The following ADGRL2 variants were observed in gnomAD, a reference collection of about 807,000 sequenced individuals.
ADGRL2 encodes the protein calcium-independent alpha-latrotoxin receptor 2.
Under a neutral mutation model 157.4 loss-of-function variants are expected in ADGRL2, and 44 were observed. The ratio of observed to expected loss-of-function variants is 0.28; its 90% CI spans 0.22 to 0.36. ADGRL2 has a LOEUF of 0.36. ADGRL2 is among the 10% of genes least tolerant of loss of function. The pLI is 1.00. For synonymous variants in ADGRL2, 585 were observed against 624.7 expected (o/e 0.94, Z 0.95); for missense variants, 1,510 against 1,768.9 (o/e 0.85, Z 2.63).
chr1:81,397,102 T>C (rs2076668548), intron 1 of ADGRL2, among the ~76,000 whole-genome samples: 1 of 152,158 alleles, frequency 6.6e-6, no homozygotes, highest in South Asian at 2.1e-4. Flanking sequence ...AGCCATCAGG[T>C]CCTGTACTTT....
chr1:81,641,132 A>G (rs1053751571), intron 3 of ADGRL2, among the ~76,000 whole-genome samples: 3 of 152,202 alleles, frequency 2.0e-5, no homozygotes, highest in African/African-American at 4.8e-5. Context: ...TTCTAGAACC[A>G]CAAAGTCAAT....
At chr1:81,312,390 G>A (rs1301567066) in intron 1 of ADGRL2, among the ~76,000 whole-genome samples, 4 of 152,198 alleles carry the variant, frequency 2.6e-5, no homozygotes, top group African/African-American at 7.2e-5. Context: ...ACAATGAGAC[G>A]TGGACCTCAG....
At chr1:81,725,557 A>C (rs1269138117) in intron 1 of ADGRL2, among the ~76,000 whole-genome samples, 4 of 151,620 alleles carry the variant, frequency 2.6e-5, no homozygotes, top group Non-Finnish European at 4.4e-5. Flanking sequence ...TAAATAAATA[A>C]ATAAATAAAT....
intron 3 of ADGRL2, among the ~76,000 whole-genome samples, chr1:81,910,029 C>T (rs1377439145): frequency 3.3e-5 from 5 of 151,886 alleles, no homozygotes; most frequent in African/African-American, 4.8e-5. Flanking sequence ...CACCTGAGTT[C>T]AGGAGTTCAA....
chr1:81,872,433 A>T (rs1463925404), intron 2 of ADGRL2, among the ~76,000 whole-genome samples: 5 of 152,134 alleles, frequency 3.3e-5, no homozygotes, highest in African/African-American at 9.7e-5. Flanking sequence ...TCAAATGGTA[A>T]ACATAAGTGA....
intron 2 of ADGRL2, among the ~76,000 whole-genome samples, chr1:81,850,726 T>C (rs1571664909): frequency 6.6e-6 from 1 of 151,930 alleles, no homozygotes; most frequent in Admixed American, 6.6e-5. Context: ...CAAGTAGTTA[T>C]TGAACACTGG....
At chr1:81,723,393 T>G (rs2084402173) in intron 1 of ADGRL2, among the ~76,000 whole-genome samples, 1 of 152,222 alleles carries the variant, frequency 6.6e-6, no homozygotes. Flanking sequence ...ATTACAAACT[T>G]TAAACACTTT....
intron 1 of ADGRL2, among the ~76,000 whole-genome samples, chr1:81,345,151 A>T (rs911300202): frequency 2.0e-5 from 3 of 152,214 alleles, no homozygotes; most frequent in Admixed American, 1.3e-4. Flanking sequence ...ACCAGTGGAA[A>T]CTACATGCTT....
chr1:81,763,595 A>G (rs2085981051), intron 2 of ADGRL2, among the ~76,000 whole-genome samples: 1 of 151,282 alleles, frequency 6.6e-6, no homozygotes, highest in South Asian at 2.1e-4. Flanking sequence ...TCTCAAAAAA[A>G]AAAAAAGGGC....
At chr1:81,734,937 G>T (rs2084847632) in intron 1 of ADGRL2, among the ~76,000 whole-genome samples, 1 of 143,336 alleles carries the variant, frequency 7.0e-6, no homozygotes, top group South Asian at 2.4e-4. Context: ...GAAGGCTGAG[G>T]CAGGAGAATC....
intron 19 of ADGRL2, among the ~76,000 whole-genome samples, chr1:81,983,880 G>A (rs1662336210): frequency 6.6e-6 from 1 of 151,596 alleles, no homozygotes; most frequent in Non-Finnish European, 1.5e-5. Context: ...GAAATTACAT[G>A]GGTAACTCAT....
At chr1:81,319,051 C>T (rs567003114) in intron 1 of ADGRL2, among the ~76,000 whole-genome samples, 3 of 148,876 alleles carry the variant, frequency 2.0e-5, no homozygotes, top group Non-Finnish European at 3.0e-5. Flanking sequence ...AAGCGATTCT[C>T]CTGCCTCAGC....
At chr1:81,941,918 C>T in intron 4 of ADGRL2, 116 bp from the exon 5 acceptor site, 1 of 560,518 alleles carries the variant, frequency 1.8e-6, no homozygotes, top group African/African-American at 1.9e-5. Context: ...CTTAATTCTT[C>T]CTATATTTAG....
At chr1:81,751,666 A>G (rs762712233) in intron 1 of ADGRL2, among the ~76,000 whole-genome samples, 18 of 152,160 alleles carry the variant, frequency 1.2e-4, no homozygotes, top group Non-Finnish European at 2.4e-4. Context: ...TTTGAAGGGG[A>G]TCTGAGGATT....
rs528564791 is a variant in ADGRL2 at position 81,662,886 on chromosome 1, C to A, written c.-143+81906C>A. On this transcript the variant is annotated intron_variant, in intron 3 of 24. Coordinates refer to the ADGRL2 transcript ENST00000370721. ...ATTCTTTTTAACTACTTTTTTTGTG[C>A]CCATTAACCATCCCCACCTTCCGCA... is the stretch of plus-strand genomic sequence containing the variant. Among the ~76,000 whole-genome samples the A allele has an allele frequency of 6.2e-4, 94 of 152,134 alleles. 1 individual carries two copies. The highest frequency in any genetic ancestry group is 2.1e-3 in the African/African-American group (86 of 41,542).
intron 2 of ADGRL2, among the ~76,000 whole-genome samples, chr1:81,565,404 CTG>C (rs1485124646): frequency 6.6e-6 from 1 of 152,164 alleles, no homozygotes; most frequent in Non-Finnish European, 1.5e-5. Context: ...GATGAATGAA[CTG>C]TGTTGTTAAC....
chr1:81,543,179 A>G (rs1468762398), intron 2 of ADGRL2, among the ~76,000 whole-genome samples: 1 of 151,928 alleles, frequency 6.6e-6, no homozygotes, highest in Non-Finnish European at 1.5e-5. Flanking sequence ...GTCTCCCCCA[A>G]AATTCATATG....
intron 1 of ADGRL2, among the ~76,000 whole-genome samples, chr1:81,806,042 T>A (rs550858529): frequency 6.6e-6 from 1 of 152,172 alleles, no homozygotes; most frequent in South Asian, 2.1e-4. Flanking sequence ...TTTCAATCAC[T>A]GGGTTACTAT....
intron 3 of ADGRL2, among the ~76,000 whole-genome samples, chr1:81,933,924 A>G (rs1302370992): frequency 2.6e-5 from 4 of 151,920 alleles, no homozygotes; most frequent in Non-Finnish European, 5.9e-5. Context: ...TTTAGCTCTA[A>G]ATTTGCCATT....
Sources: allele counts gnomAD v4.1 joint callset (sites outside exome capture counted in the v4.1 genomes callset), GRCh38; gene constraint gnomAD v4.1.1; transcripts MANE v1.5; gene names NCBI Gene and HGNC (gene_info 2026-07-23, HGNC 2026-07-21).